The following POU2F3 variants were observed in gnomAD, a reference collection of about 807,000 sequenced individuals.
The protein encoded by POU2F3 is POU class 2 homeobox 3, also known as POU domain, class 2, transcription factor 3.
Under a neutral mutation model 59.2 loss-of-function variants are expected in POU2F3, and 23 were observed. That is an observed-to-expected ratio of 0.39 (90% CI 0.28 to 0.55). The LOEUF (loss-of-function observed/expected upper bound fraction) is 0.55. Among genes scored for constraint, POU2F3 ranks in the 20% least tolerant of loss-of-function variants. The pLI, the probability that POU2F3 is intolerant of heterozygous loss-of-function variation, is 0.66. For missense variants in POU2F3, 473 were observed against 544.5 expected (o/e 0.87, Z 1.31); for synonymous variants, 190 against 214.6 (o/e 0.89, Z 1.00).
intron 2 of POU2F3, among the ~76,000 whole-genome samples, chr11:120,264,776 C>G (rs1939757213): frequency 6.6e-6 from 1 of 152,200 alleles, no homozygotes; most frequent in Non-Finnish European, 1.5e-5. Context: ...AGGCTCGAAC[C>G]TCAGTCCTCT....
intron 2 of POU2F3, among the ~76,000 whole-genome samples, chr11:120,247,935 C>A (rs1182975869): frequency 6.6e-6 from 1 of 152,216 alleles, no homozygotes; most frequent in African/African-American, 2.4e-5. Context: ...AAGACCACGC[C>A]TAACCAGCTT....
At position 120,284,572 on chromosome 11, in the gene POU2F3, C is replaced by A. The variant is rs149304237; in HGVS notation, c.133-13693C>A. On this transcript the variant is annotated intron_variant, in intron 3 of 12. Transcript: ENST00000543440. ...GAGTGTGTGCAGGACTCTGACCAAC[C>A]CAGTTTGAGGTTTGTAGTTAGATCA... Among the ~76,000 whole-genome samples, 45 of 152,228 alleles carry A rather than the reference C, an allele frequency of 3.0e-4. 1 individual carries two copies. In the East Asian group the frequency reaches 8.3e-3, roughly 28 times the overall value.
At chr11:120,300,554 A>G (rs1432561205) in intron 5 of POU2F3, among the ~76,000 whole-genome samples, 1 of 152,134 alleles carries the variant, frequency 6.6e-6, no homozygotes, top group Non-Finnish European at 1.5e-5. Context: ...ACTTGAGGCC[A>G]GAAGTTCGAG....
chr11:120,290,052 C>G (rs185435285), intron 3 of POU2F3, among the ~76,000 whole-genome samples: 1 of 152,294 alleles, frequency 6.6e-6, no homozygotes, highest in Admixed American at 6.5e-5. Context: ...GTTTCATTCA[C>G]GCCACACAGA....
At chr11:120,298,466 G>A (rs999463478) in intron 4 of POU2F3, 76 bp downstream of exon 4, 1 of 1,584,918 alleles carries the variant, frequency 6.3e-7, no homozygotes, top group African/African-American at 1.4e-5. Context: ...TCCATGCTTG[G>A]TACTCGTCTA....
intron 2 of POU2F3, among the ~76,000 whole-genome samples, chr11:120,251,374 C>T (rs1265059639): frequency 1.3e-5 from 2 of 152,248 alleles, no homozygotes; most frequent in Non-Finnish European, 2.9e-5. Flanking sequence ...AATGACAGAG[C>T]AAGTCTGAAC....
At chr11:120,278,675 T>G (rs894847032) in intron 3 of POU2F3, among the ~76,000 whole-genome samples, 1 of 152,166 alleles carries the variant, frequency 6.6e-6, no homozygotes, top group Admixed American at 6.5e-5. Flanking sequence ...CTGCGCTGAC[T>G]GAGTGATTAG....
chr11:120,284,994 G>T (rs148030149), intron 3 of POU2F3, among the ~76,000 whole-genome samples: 5 of 152,310 alleles, frequency 3.3e-5, no homozygotes, highest in Middle Eastern at 3.4e-3. Flanking sequence ...GAGAAATGGA[G>T]TGCAGGTGTA....
chr11:120,291,563 C>G (rs1304798430), intron 3 of POU2F3, among the ~76,000 whole-genome samples: 1 of 152,224 alleles, frequency 6.6e-6, no homozygotes, highest in Admixed American at 6.5e-5. Context: ...TTTGAAGAGT[C>G]TATAATTCTA....
chr11:120,313,937 C>A (rs961116739), intron 10 of POU2F3, among the ~76,000 whole-genome samples: 2 of 152,174 alleles, frequency 1.3e-5, no homozygotes, highest in African/African-American at 4.8e-5. Context: ...TCGCTTGAAC[C>A]CAGGAGGCAG....
At chr11:120,268,823 C>T (rs1439419046) in intron 2 of POU2F3, among the ~76,000 whole-genome samples, 2 of 152,148 alleles carry the variant, frequency 1.3e-5, no homozygotes, top group African/African-American at 4.8e-5. Flanking sequence ...GGGATCCATG[C>T]TGGTCTCTTC....
At chr11:120,298,868 A>G (rs935622565) in intron 4 of POU2F3, among the ~76,000 whole-genome samples, 2 of 152,204 alleles carry the variant, frequency 1.3e-5, no homozygotes, top group Non-Finnish European at 2.9e-5. Flanking sequence ...CTCAGCAGGG[A>G]TCACCTGGGG....
intron 3 of POU2F3, among the ~76,000 whole-genome samples, chr11:120,282,420 C>T (rs1940606343): frequency 6.6e-6 from 1 of 152,228 alleles, no homozygotes; most frequent in African/African-American, 2.4e-5. Flanking sequence ...CTTTGAGAGG[C>T]TGAGGCTGGC....
intron 3 of POU2F3, among the ~76,000 whole-genome samples, chr11:120,293,645 A>G (rs1941105724): frequency 6.6e-6 from 1 of 152,150 alleles, no homozygotes; most frequent in African/African-American, 2.4e-5. Flanking sequence ...AACAGCTTTG[A>G]TCATTTTCAT....
intron 2 of POU2F3, chr11:120,253,747 T>G (rs1051807599): frequency 2.0e-5 from 3 of 152,260 alleles, no homozygotes; most frequent in African/African-American, 7.2e-5. Flanking sequence ...CGGTGGCTCA[T>G]GCCTTGTGGT....
chr11:120,308,379 C>T (rs577345731), intron 9 of POU2F3, among the ~76,000 whole-genome samples: 2 of 152,286 alleles, frequency 1.3e-5, no homozygotes, highest in Non-Finnish European at 2.9e-5. Context: ...GCAGATTCCT[C>T]GCACATTTAG....
intron 12 of POU2F3, among the ~76,000 whole-genome samples, chr11:120,317,610 A>G (rs547389351): frequency 6.6e-6 from 1 of 152,356 alleles, no homozygotes; most frequent in South Asian, 2.1e-4. Flanking sequence ...CAAAATTTCC[A>G]TCCTTACTTT....
chr11:120,266,125 G>A (rs906250302), intron 2 of POU2F3, among the ~76,000 whole-genome samples: 1 of 152,092 alleles, frequency 6.6e-6, no homozygotes. Flanking sequence ...CTTGCATGTC[G>A]AAAGCATAAC....
In POU2F3 at chr11:120,305,518, C is replaced by A. The variant is rs1327557377; in HGVS notation, c.628-126C>A. The A allele has an allele frequency of 1.2e-5, 17 of 1,382,808 alleles. No homozygotes were observed. In the South Asian group the frequency reaches 2.1e-4, roughly 17 times the overall value. The allele number at this position is 1,382,808 out of a possible 1,614,324, so 85.7% of individuals were successfully genotyped here. A position where few individuals can be genotyped will look rare whatever the true frequency, so the allele number is the denominator to read the frequency against. ...AGAGGGAGGAGACTTGGAAAGGAGC[C>A]GAGCATGGGTGAGCACTCAAAGATT... On this transcript the variant is annotated intron_variant, in intron 7 of 12. Coordinates refer to ENST00000543440, the MANE Select transcript of POU2F3 (RefSeq NM_014352.4).
Sources: gnomAD v4.1 joint callset for allele counts (sites outside exome capture counted in the v4.1 genomes callset) on GRCh38, gnomAD v4.1.1 for gene constraint, MANE v1.5 for transcripts, NCBI Gene and HGNC (gene_info 2026-07-23, HGNC 2026-07-21) for gene names.